RBM4: variants seen among roughly 807,000 people sequenced by gnomAD.
RBM4 encodes RNA binding motif protein 4, also known as RNA-binding protein 4.
In RBM4, 7 loss-of-function variants were observed where a neutral mutation model predicts 29.5. The observed-to-expected ratio is 0.24, with a 90% CI of 0.14 to 0.45. The LOEUF is 0.45. RBM4 is among the 20% of genes least tolerant of loss of function. The probability of loss-of-function intolerance (pLI) is 1.00; values close to 1 mark genes in which losing one functional copy is unlikely to be tolerated. For synonymous variants in RBM4, 220 were observed against 205.4 expected, an observed-to-expected ratio of 1.07 and a Z score of -0.61; for missense variants, 387 against 502.3, an observed-to-expected ratio of 0.77 and a Z score of 2.19.
chr11:66,667,741 T>G, exon 3 of RBM4: 1 of 151,960 alleles, frequency 6.6e-6, no homozygotes, highest in East Asian at 1.9e-4. Context: ...TCTCACTCTG[T>G]TGCCCAGGCT....
At position 66,653,362 on chromosome 11, in the gene RBM4, A is replaced by ATTT. The variant is rs71045956; in HGVS notation, c.413-12479_413-12477dup. ...TATGATGATTCACTTCTACTTAATG[A>ATTT]TTTTTTTTTTTTTTTTTGAGAGGGA... On this transcript the variant is annotated intron_variant, in intron 2 of 2. Transcript: ENST00000396053. Among the ~76,000 whole-genome samples, 52 of 135,856 alleles carry ATTT rather than the reference A, an allele frequency of 3.8e-4. 1 individual carries two copies. The highest frequency in any genetic ancestry group is 1.7e-3 in the East Asian group (8 of 4,674). 89.1% of individuals were successfully genotyped at this position (135,856 alleles called of 152,430 possible).
At chr11:66,644,440 A>G in intron 3 of RBM4, 1 of 283,944 alleles carries the variant, frequency 3.5e-6, no homozygotes, top group Non-Finnish European at 6.3e-6. Flanking sequence ...ACTATACTAT[A>G]ATTGAACCTT....
chr11:66,648,371 A>G (rs991616007), downstream of RBM4, among the ~76,000 whole-genome samples: 7 of 151,092 alleles, frequency 4.6e-5, no homozygotes, highest in African/African-American at 1.7e-4. Flanking sequence ...AAATTAAAAA[A>G]TTAGCTGGGC....
downstream of RBM4, chr11:66,649,941 C>G: frequency 1.8e-6 from 1 of 542,338 alleles, no homozygotes; most frequent in Non-Finnish European, 3.3e-6. Context: ...TAGCATTTCA[C>G]TGTTCATTCT....
intron 2 of RBM4, among the ~76,000 whole-genome samples, chr11:66,657,975 C>T (rs1239479752): frequency 6.6e-6 from 1 of 152,154 alleles, no homozygotes; most frequent in Non-Finnish European, 1.5e-5. Flanking sequence ...CTGCCTCAGC[C>T]TCCCAAAGTG....
At chr11:66,667,425 C>CA (rs772938364) in exon 3 of RBM4, 1 of 152,074 alleles carries the variant, frequency 6.6e-6, no homozygotes, top group South Asian at 2.1e-4. Flanking sequence ...TCTTCAACAA[C>CA]AAAAAACACA....
chr11:66,652,728 G>T (rs767320709), intron 2 of RBM4, among the ~76,000 whole-genome samples: 2 of 152,068 alleles, frequency 1.3e-5, no homozygotes, highest in African/African-American at 4.8e-5. Flanking sequence ...GGTTGGTTTC[G>T]GGCGTGGTGG....
intron 2 of RBM4, among the ~76,000 whole-genome samples, chr11:66,660,890 C>T (rs1266575023): frequency 2.0e-5 from 3 of 151,372 alleles, no homozygotes; most frequent in Non-Finnish European, 4.4e-5. Flanking sequence ...CTCCTGACCT[C>T]GTGATCCACC....
Position 66,639,984 on chromosome 11 carries a change from T to A in RBM4, c.273T>A (p.Asn91Lys), listed in dbSNP as rs1043376. ...GCAACATCAGTCCCACCTGCACCAA[T>A]AAGGAGCTTCGAGCCAAGTTTGAGG... ...HVGNISPTCT[N>K]KELRAKFEEY... Residue 91 changes from asparagine (N) to lysine (K), a missense_variant, in exon 2 of 4, where the codon AAT (asparagine) becomes AAA (lysine). Coordinates refer to ENST00000310092, the MANE Select transcript of RBM4 (RefSeq NM_002896.4). The A allele has an allele frequency of 1.1e-5, 18 of 1,614,032 alleles. No homozygotes were observed. Among genetic ancestry groups the A allele is most frequent in the Non-Finnish European group, 1.4e-5 (17 of 1,180,042 alleles).
intron 2 of RBM4, among the ~76,000 whole-genome samples, chr11:66,642,537 AT>A (rs1218901598): frequency 6.6e-6 from 1 of 152,232 alleles, no homozygotes. Context: ...CAGGAAAAAT[AT>A]TAGGTGTATG....
Position 66,644,147 on chromosome 11 carries a change from G to C in RBM4, c.*8+7G>C. The C allele has an allele frequency of 6.2e-7, 1 of 1,601,640 alleles. No homozygotes were observed. Among genetic ancestry groups the C allele is most frequent in the Non-Finnish European group, 8.5e-7 (1 of 1,172,970 alleles). On this transcript the variant is annotated splice_region_variant and intron_variant, in intron 3 of 3. Coordinates refer to ENST00000310092, the MANE Select transcript of RBM4 (RefSeq NM_002896.4). ...CAGCCTTTTAAAGCTTGAGGTGAGA[G>C]GGGTGGGGTGTTCCCTCTTCTGGTT...
At chr11:66,661,225 G>A (rs1458618024) in intron 2 of RBM4, among the ~76,000 whole-genome samples, 1 of 152,190 alleles carries the variant, frequency 6.6e-6, no homozygotes, top group Non-Finnish European at 1.5e-5. Flanking sequence ...CTGGTCTGAA[G>A]AAAGCCGAGA....
intron 2 of RBM4, among the ~76,000 whole-genome samples, chr11:66,658,566 A>G (rs1016991813): frequency 1.3e-5 from 2 of 151,924 alleles, no homozygotes; most frequent in African/African-American, 4.8e-5. Flanking sequence ...TTTGTATACC[A>G]TATGGAGTTG....
At chr11:66,650,968 G>A (rs563008308), downstream of RBM4, among the ~76,000 whole-genome samples, 11 of 152,326 alleles carry the variant, frequency 7.2e-5, no homozygotes, top group Admixed American at 5.9e-4. Flanking sequence ...GTTGCAGTGA[G>A]CAGAGATGGC....
exon 3 of RBM4, chr11:66,668,312 G>C (rs1939322145): frequency 3.4e-6 from 1 of 294,478 alleles, no homozygotes; most frequent in Non-Finnish European, 6.4e-6. Context: ...ACAAATGTTA[G>C]ATCTCTCAAA....
chr11:66,650,553 G>A (rs1249181750), downstream of RBM4, among the ~76,000 whole-genome samples: 1 of 138,840 alleles, frequency 7.2e-6, no homozygotes, highest in East Asian at 2.2e-4. Context: ...CCTGGGCAAC[G>A]AGAGTGAAAG....
chr11:66,664,169 CTGT>C (rs1939149504), intron 2 of RBM4, among the ~76,000 whole-genome samples: 1 of 139,996 alleles, frequency 7.1e-6, no homozygotes, highest in Non-Finnish European at 1.6e-5. Context: ...CCATGCCCAG[CTGT>C]TTTTTTTTTT....
chr11:66,658,590 G>GGTAGCCAGAGACATATACAGTGCT (rs1390489520), intron 2 of RBM4, among the ~76,000 whole-genome samples: 2 of 151,886 alleles, frequency 1.3e-5, no homozygotes, highest in African/African-American at 2.4e-5. Context: ...TGTTCAGTGT[G>GGTAGCCAGAGACATATACAGTGCT]GTAGCCAGAG....
rs569121818 is a variant in RBM4, at chr11:66,646,178, C to CTTCCTTTCCT, written c.*171_*180dup. 3 of 1,493,886 alleles carry CTTCCTTTCCT rather than the reference C, an allele frequency of 2.0e-6. No individual in the cohort carries two copies. Among genetic ancestry groups the CTTCCTTTCCT allele is most frequent in the Middle Eastern group, 2.3e-4 (1 of 4,274 alleles). 92.5% of individuals were successfully genotyped at this position (1,493,886 alleles called of 1,614,324 possible). ...TTACCTTGCTAAGTTCAGACCTTCT[C>CTTCCTTTCCT]TTCCTTTCCTTTCCTTTCCTCTCCT... is the stretch of plus-strand genomic sequence containing the variant. On this transcript the variant is annotated 3_prime_UTR_variant, in exon 4 of 4. Transcript: ENST00000310092.
Sources: allele counts gnomAD v4.1 joint callset (sites outside exome capture counted in the v4.1 genomes callset), GRCh38; gene constraint gnomAD v4.1.1; transcripts MANE v1.5; gene names NCBI Gene and HGNC (gene_info 2026-07-23, HGNC 2026-07-21).